The following HACL1 variants were observed in gnomAD, a reference collection of about 807,000 sequenced individuals.
The protein encoded by HACL1 is 1600020H07Rik.
Under a neutral mutation model 74.2 loss-of-function variants are expected in HACL1, and 64 were observed. That is an observed-to-expected ratio of 0.86 (90% confidence interval 0.70 to 1.06). The LOEUF is 1.06. HACL1 is among the 50% of genes least tolerant of loss of function. The pLI is 0.00. For missense variants in HACL1, 728 were observed against 719.7 expected, an observed-to-expected ratio of 1.01 and a Z score of -0.13; for synonymous variants, 230 against 238.8, an observed-to-expected ratio of 0.96 and a Z score of 0.34.
intron 5 of HACL1, among the ~76,000 whole-genome samples, chr3:15,587,016 A>C (rs938604189): frequency 2.0e-5 from 3 of 152,208 alleles, no homozygotes; most frequent in Admixed American, 6.5e-5. Context: ...TTATAATAAT[A>C]ATCTATTCTT....
chr3:15,585,243 C>A lies in HACL1; in HGVS notation c.554+5G>T. On this transcript the variant is annotated splice_donor_5th_base_variant and intron_variant, in intron 7 of 16. Transcript: ENST00000321169. ...AGAAAGAATTCCAGCATAACTATTA[C>A]TCACTTTATAGAATTCACATTCACC... 7.2e-7 allele frequency: 1 copy of A among 1,383,222 alleles called. No individual in the cohort carries two copies. Among genetic ancestry groups the A allele is most frequent in the Non-Finnish European group, 1.0e-6 (1 of 970,090 alleles). 85.7% of individuals were successfully genotyped at this position (1,383,222 alleles called of 1,614,324 possible).
intron 15 of HACL1, among the ~76,000 whole-genome samples, 185 bp downstream of exon 15, chr3:15,564,366 C>G (rs529875481): frequency 9.8e-5 from 15 of 152,296 alleles, no homozygotes; most frequent in Non-Finnish European, 2.1e-4. Flanking sequence ...TTTACTGAAG[C>G]ACCTAATCAT....
intron 15 of HACL1, 40 bp from the exon 16 acceptor site, chr3:15,563,584 A>G (rs1314527149): frequency 7.6e-7 from 1 of 1,317,368 alleles, no homozygotes; most frequent in South Asian, 1.3e-5. Context: ...TTTAAATCTT[A>G]AACCTTGTAG....
intron 4 of HACL1, 49 bp downstream of exon 4, chr3:15,591,551 T>C (rs2063894173): frequency 6.3e-6 from 7 of 1,102,598 alleles, no homozygotes; most frequent in African/African-American, 6.2e-5. Context: ...AGTAAAATCC[T>C]GCAGTGACCT....
intron 13 of HACL1, 79 bp from the exon 14 acceptor site, chr3:15,568,081 AT>A (rs2063466762): frequency 4.3e-6 from 5 of 1,154,628 alleles, no homozygotes; most frequent in Admixed American, 2.0e-5. Flanking sequence ...TTCTAGTCAT[AT>A]TTACATGGTT....
In HACL1 at chr3:15,597,280, T is replaced by C. The variant is rs181471892; in HGVS notation, c.187-856A>G. Among the ~76,000 whole-genome samples the C allele has an allele frequency of 3.5e-3, 530 of 152,310 alleles. 2 individuals carry two copies. Among genetic ancestry groups the C allele is most frequent in the Non-Finnish European group, 4.7e-3 (323 of 68,030 alleles). Reference sequence around the variant, plus strand: ...TTCTTTTTAGTGATCTCTTATTGAGTTCCACTTTACTTCCACATGGTCAGG... The same window carrying C: ...TTCTTTTTAGTGATCTCTTATTGAGCTCCACTTTACTTCCACATGGTCAGG... On this transcript the variant is annotated intron_variant, in intron 2 of 16. Transcript: ENST00000321169.
At chr3:15,590,574 G>A (rs995011389) in intron 4 of HACL1, among the ~76,000 whole-genome samples, 1 of 152,152 alleles carries the variant, frequency 6.6e-6, no homozygotes, top group Non-Finnish European at 1.5e-5. Flanking sequence ...GGCAAGATCA[G>A]AGAATAAGTA....
intron 3 of HACL1, 42 bp downstream of exon 3, chr3:15,596,342 C>CA: frequency 9.2e-7 from 1 of 1,090,866 alleles, no homozygotes; most frequent in Non-Finnish European, 1.4e-6. Context: ...AGTTCTACCC[C>CA]AAAATATTAA....
At position 15,571,829 on chromosome 3, in the gene HACL1, C is replaced by CTTTTT. The variant is rs869072841; in HGVS notation, c.994-65_994-61dup. The CTTTTT allele has an allele frequency of 3.8e-4, 86 of 226,202 alleles. 1 individual carries two copies. The highest frequency in any genetic ancestry group is 1.3e-3 in the East Asian group (6 of 4,758). 14.0% of individuals were successfully genotyped at this position (226,202 alleles called of 1,614,324 possible). ...TAAACTTTTTCTTTGCCTTTTTTTTCTTTTTTTTTTTTTTTTTTTTTTTTT... is the reference window on the plus strand; with the variant it reads ...TAAACTTTTTCTTTGCCTTTTTTTTCTTTTTTTTTTTTTTTTTTTTTTTTTTTTTT... On this transcript the variant is annotated intron_variant, in intron 11 of 16. Transcript: ENST00000321169.
At chr3:15,600,838 ACC>A in intron 2 of HACL1, 1 of 574,306 alleles carries the variant, frequency 1.7e-6, no homozygotes, top group Admixed American at 3.0e-5. Flanking sequence ...ATGGACTCAG[ACC>A]CAGAATACGT....
At position 15,601,174 on chromosome 3, in the gene HACL1, G is replaced by C; in HGVS notation, c.102C>G (p.Gly34=). The change falls in exon 2 of 17, where the codon GGC becomes GGG. Residue 34 remains glycine, a synonymous_variant. Transcript: ENST00000321169. ...TTTCGGTCACTGGGATGCCTACGAT[G>C]CCAAATATGTACTCCACATCCTGAG... is the stretch of plus-strand genomic sequence containing the variant. ...LKTQDVEYIF[G]IVGIPVTEIA... 6.2e-7 allele frequency: 1 copy of C among 1,612,688 alleles called. No individual in the cohort carries two copies. Among genetic ancestry groups the C allele is most frequent in the Non-Finnish European group, 8.5e-7 (1 of 1,178,662 alleles).
intron 5 of HACL1, 90 bp from the exon 6 acceptor site, chr3:15,586,692 T>C (rs1452305500): frequency 5.1e-6 from 4 of 777,736 alleles, no homozygotes; most frequent in East Asian, 5.1e-5. Context: ...TTAATTTCTT[T>C]TATGTTTAGA....
chr3:15,593,129 G>A (rs1210649880), intron 3 of HACL1, among the ~76,000 whole-genome samples: 1 of 125,836 alleles, frequency 7.9e-6, no homozygotes, highest in Admixed American at 7.8e-5. Flanking sequence ...ACACACATAC[G>A]TATATATGTA....
intron 7 of HACL1, among the ~76,000 whole-genome samples, chr3:15,584,593 G>GA (rs913861069): frequency 1.5e-4 from 23 of 149,418 alleles, no homozygotes; most frequent in African/African-American, 3.4e-4. Flanking sequence ...GTCTCAAATT[G>GA]AAAAAAAAAT....
rs2064219210 is a variant in HACL1, at chr3:15,601,147, G to A, written c.129C>T (p.Ile43=). ...FGIVGIPVTE[I]AIAAQQLGIK... ...TGCCTAGCTGCTGGGCAGCAATGGC[G>A]ATTTCGGTCACTGGGATGCCTACGA... The change falls in exon 2 of 17, where the codon ATC becomes ATT. Residue 43 remains isoleucine (I), a synonymous_variant. Transcript: ENST00000321169. 6.2e-7 allele frequency: 1 copy of A among 1,613,932 alleles called. No homozygotes were observed. The highest frequency in any genetic ancestry group is 1.1e-5 in the South Asian group (1 of 91,074).
chr3:15,563,632 T>A, intron 15 of HACL1, 88 bp from the exon 16 acceptor site: 1 of 794,980 alleles, frequency 1.3e-6, no homozygotes, highest in Non-Finnish European at 2.0e-6. Context: ...ATTAAAAAAA[T>A]TTCAGCTGAA....
rs200717582 is a variant in HACL1, at chr3:15,573,525, T to C, written c.910-283A>G. 3.9e-5 allele frequency among the ~76,000 whole-genome samples: 6 copies of C among 152,240 alleles called. No individual in the cohort carries two copies. In the East Asian group the frequency reaches 7.7e-4, roughly 20 times the overall value. On this transcript the variant is annotated intron_variant, in intron 10 of 16. Transcript: ENST00000321169. Reference sequence around the variant, plus strand: ...GGAATGCATTTGACCTGATCAATTATAGTTTTGCATCTAATCAGTAAGTTC... The same window carrying C: ...GGAATGCATTTGACCTGATCAATTACAGTTTTGCATCTAATCAGTAAGTTC...
chr3:15,562,647 C>T (rs543986871), intron 16 of HACL1, among the ~76,000 whole-genome samples: 4 of 152,148 alleles, frequency 2.6e-5, no homozygotes, highest in South Asian at 2.1e-4. Context: ...TTATATGAGG[C>T]GGCAAGTGGC....
chr3:15,574,323 G>T (rs1342283361), intron 10 of HACL1, among the ~76,000 whole-genome samples: 2 of 152,180 alleles, frequency 1.3e-5, no homozygotes, highest in Non-Finnish European at 2.9e-5. Context: ...AGCCATTATC[G>T]TGCCACTGCA....
Sources: gnomAD v4.1 joint callset for allele counts (sites outside exome capture counted in the v4.1 genomes callset) on GRCh38, gnomAD v4.1.1 for gene constraint, MANE v1.5 for transcripts, NCBI Gene and HGNC (gene_info 2026-07-23, HGNC 2026-07-21) for gene names.